The following SREK1 variants were observed in gnomAD, a reference collection of about 807,000 sequenced individuals.
The protein encoded by SREK1 is splicing regulatory glutamic acid and lysine rich protein 1, also known as splicing regulatory glutamine/lysine-rich protein 1.
Under a neutral mutation model 66.5 loss-of-function variants are expected in SREK1, and 13 were observed. The ratio of observed to expected loss-of-function variants is 0.20; its 90% confidence interval spans 0.13 to 0.31. SREK1 has a LOEUF of 0.31. Among genes scored for constraint, SREK1 ranks in the 10% least tolerant of loss-of-function variants. SREK1 has a pLI of 1.00. For missense variants in SREK1, 607 were observed against 769.6 expected (o/e 0.79, Z 2.50); for synonymous variants, 265 against 263.5 (o/e 1.01, Z -0.05).
rs1410618464 is a variant in SREK1, at chr5:66,174,966, G to C, written c.1505G>C (p.Ser502Thr). The change falls in exon 10 of 12, where the codon AGC becomes ACC. Residue 502 changes from serine to threonine, a missense_variant. Around this residue, in one of 5 missense-constraint regions of SREK1, gnomAD observed 318 missense variants for 310.3 expected, o/e 1.02. Coordinates refer to ENST00000334121, the MANE Select transcript of SREK1 (RefSeq NM_001077199.3). ...SSSRERRRRR[S>T]RSSSRSPRTS... ...TTCAGGGAAAGGCGTAGGAGGAGGA[G>C]CAGGAGTTCTTCCAGATCGCCAAGA... The C allele has an allele frequency of 6.2e-7, 1 of 1,612,964 alleles. No individual in the cohort carries two copies. Among genetic ancestry groups the C allele is most frequent in the Middle Eastern group, 1.7e-4 (1 of 6,052 alleles).
rs1746447692 is a variant in SREK1, at chr5:66,181,090, C to T, written c.*2222C>T. ...TTAACATTTAATTTGGTTCTTGCTG[C>T]TAATTATTTTCTCTGCTGATATTTA... On this transcript the variant is annotated 3_prime_UTR_variant, in exon 12 of 12. Transcript: ENST00000334121. 6.6e-6 allele frequency: 1 copy of T among 152,116 alleles called. No homozygotes were observed. Among genetic ancestry groups the T allele is most frequent in the Non-Finnish European group, 1.5e-5 (1 of 68,018 alleles). The allele number at this position is 152,116 out of a possible 1,614,324, so 9.4% of individuals were successfully genotyped here.
At chr5:66,156,135 C>A in intron 2 of SREK1, 1 of 1,441,076 alleles carries the variant, frequency 6.9e-7, no homozygotes, top group Non-Finnish European at 9.1e-7. Context: ...GCCACTAAAC[C>A]TGCCGTCAAG....
intron 1 of SREK1, among the ~76,000 whole-genome samples, chr5:66,148,835 C>G (rs185097986): frequency 1.3e-5 from 2 of 151,794 alleles, no homozygotes; most frequent in Non-Finnish European, 2.9e-5. Context: ...TTTTTTTCCC[C>G]CAAGGTCTTC....
chr5:66,157,576 T>C (rs935645606), intron 2 of SREK1: 13 of 968,182 alleles, frequency 1.3e-5, no homozygotes, highest in Admixed American at 6.2e-5. Context: ...TATGTGGGTA[T>C]ATATAAATAC....
At position 66,183,607 on chromosome 5, in the gene SREK1, T is replaced by G. The variant is rs1746678035; in HGVS notation, c.*4739T>G. ...TATATTTTTAATAAAATGAAAATCT[T>G]AAAATCTTGCCACTGTTGAGTAGTA... On this transcript the variant is annotated 3_prime_UTR_variant, in exon 12 of 12. Coordinates refer to ENST00000334121, the MANE Select transcript of SREK1 (RefSeq NM_001077199.3). 6.6e-6 allele frequency: 1 copy of G among 152,228 alleles called. No individual in the cohort carries two copies. Among genetic ancestry groups the G allele is most frequent in the Non-Finnish European group, 1.5e-5 (1 of 68,030 alleles). The allele number at this position is 152,228 out of a possible 1,614,324, so 9.4% of individuals were successfully genotyped here.
chr5:66,165,344 C>G (rs752254769), intron 7 of SREK1: 1 of 157,522 alleles, frequency 6.3e-6, no homozygotes, highest in Admixed American at 6.3e-5. Flanking sequence ...TCACGCAATT[C>G]CCTATTTTCA....
intron 1 of SREK1, among the ~76,000 whole-genome samples, chr5:66,150,019 T>C (rs1355373731): frequency 6.6e-6 from 1 of 152,234 alleles, no homozygotes; most frequent in East Asian, 1.9e-4. Context: ...ATACCTATTA[T>C]GTACTCATCA....
At chr5:66,170,495 C>G (rs1745541673) in intron 8 of SREK1, 90 bp from the exon 9 acceptor site, 2 of 1,434,624 alleles carry the variant, frequency 1.4e-6, no homozygotes, top group Non-Finnish European at 9.4e-7. Flanking sequence ...TATAAATTGT[C>G]TTGTGTTGGT....
At chr5:66,144,694 C>T (rs758448992) in intron 1 of SREK1, 157 bp downstream of exon 1, 4 of 1,338,838 alleles carry the variant, frequency 3.0e-6, no homozygotes, top group South Asian at 3.1e-5. Flanking sequence ...ACCCGGGTTC[C>T]GCCGTCCTGC....
chr5:66,148,548 C>G (rs767639007), intron 1 of SREK1, among the ~76,000 whole-genome samples: 4 of 152,110 alleles, frequency 2.6e-5, no homozygotes, highest in Admixed American at 2.0e-4. Context: ...AACTTTAAGT[C>G]AACGAATGAG....
At chr5:66,158,747 C>T in intron 2 of SREK1, 1 of 1,215,280 alleles carries the variant, frequency 8.2e-7, no homozygotes, top group Non-Finnish European at 1.1e-6. Flanking sequence ...TTTGCCATTT[C>T]TGGGGATTAA....
chr5:66,173,716 G>C (rs951680919), intron 9 of SREK1, among the ~76,000 whole-genome samples: 1 of 152,218 alleles, frequency 6.6e-6, no homozygotes, highest in African/African-American at 2.4e-5. Context: ...GATAAAGGCA[G>C]AGCGATTTTG....
In SREK1 at chr5:66,177,512, A is replaced by G. The variant is rs1462011988; in HGVS notation, c.1581-2A>G. On this transcript the variant is annotated splice_acceptor_variant, in intron 10 of 11. Transcript: ENST00000334121. LOFTEE classifies it high-confidence loss of function. ...TTAACTGACATATCAATATTCTTAT[A>G]GCAGAAATAAGAAGGATAAAAAGAG... The G allele has an allele frequency of 6.4e-7, 1 of 1,571,042 alleles. No individual in the cohort carries two copies.
At chr5:66,162,372 T>A in intron 4 of SREK1, 42 bp from the exon 5 acceptor site, 2 of 1,606,206 alleles carry the variant, frequency 1.2e-6, no homozygotes, top group East Asian at 2.2e-5. Context: ...TCTGATTTTT[T>A]AAATGGATAT....
intron 1 of SREK1, among the ~76,000 whole-genome samples, chr5:66,149,740 G>A (rs1319494119): frequency 6.6e-6 from 1 of 152,254 alleles, no homozygotes; most frequent in Non-Finnish European, 1.5e-5. Context: ...TGTTGGAATT[G>A]CTAGGGCTTT....
At chr5:66,155,964 A>G (rs563248739) in intron 2 of SREK1, 7 of 1,496,938 alleles carry the variant, frequency 4.7e-6, no homozygotes, top group East Asian at 2.5e-5. Context: ...TGTCAGCCTA[A>G]TCATCAGTCA....
intron 2 of SREK1, 31 bp downstream of exon 2, chr5:66,153,627 G>T (rs1215710603): frequency 6.2e-7 from 1 of 1,613,480 alleles, no homozygotes; most frequent in Non-Finnish European, 8.5e-7. Context: ...CCTCTTATTT[G>T]AATTTCTGTC....
rs982456296 is a variant in SREK1, at chr5:66,145,072, T to C, written c.161+535T>C. The stretch of plus-strand genomic sequence containing the variant: ...GTCGCACAAACTTAGCATTTTGGTT[T>C]ATCTAACCGAGCGCATCCATGTTCC... On this transcript the variant is annotated intron_variant, in intron 1 of 11. Coordinates refer to ENST00000334121, the MANE Select transcript of SREK1 (RefSeq NM_001077199.3). 28 of 985,644 alleles carry C rather than the reference T, an allele frequency of 2.8e-5. No homozygotes were observed. In the African/African-American group the frequency reaches 4.4e-4, roughly 15 times the overall value. The allele number at this position is 985,644 out of a possible 1,614,324, so 61.1% of individuals were successfully genotyped here. A position where few individuals can be genotyped will look rare whatever the true frequency, so the allele number is the denominator to read the frequency against.
intron 5 of SREK1, chr5:66,162,828 A>G (rs1025642362): frequency 5.0e-6 from 2 of 401,196 alleles, no homozygotes; most frequent in Non-Finnish European, 8.8e-6. Flanking sequence ...CAGTGTTAAC[A>G]TTATTTATAT....
Sources: gnomAD v4.1 joint callset for allele counts (sites outside exome capture counted in the v4.1 genomes callset) on GRCh38, gnomAD v4.1.1 for gene constraint, gnomAD v4.1.1 regional missense constraint, MANE v1.5 for transcripts, NCBI Gene and HGNC (gene_info 2026-07-23, HGNC 2026-07-21) for gene names.